Variants in PPARGC1A observed in about 807,000 individuals in gnomAD.
PPARGC1A encodes the protein peroxisome proliferator-activated receptor gamma coactivator 1-alpha.
In PPARGC1A, 25 loss-of-function variants were observed where a neutral mutation model predicts 88.7. That is an observed-to-expected ratio of 0.28 (90% CI 0.21 to 0.39). PPARGC1A has a LOEUF of 0.39. PPARGC1A is among the 10% of genes least tolerant of loss of function. PPARGC1A has a pLI of 1.00. For synonymous variants in PPARGC1A, 363 were observed against 355.6 expected, an observed-to-expected ratio of 1.02 and a Z score of -0.24; for missense variants, 880 against 968.7, an observed-to-expected ratio of 0.91 and a Z score of 1.22.
the PPARGC1A span, among the ~76,000 whole-genome samples, chr4:24,188,656 A>C: frequency 6.6e-6 from 1 of 152,132 alleles, no homozygotes; most frequent in African/African-American, 2.4e-5. Context: ...CAAGTGTTGG[A>C]GAGGATGTAG....
At chr4:24,436,808 C>T in the PPARGC1A span, among the ~76,000 whole-genome samples, 4 of 147,530 alleles carry the variant, frequency 2.7e-5, no homozygotes, top group Non-Finnish European at 6.0e-5. Flanking sequence ...CGGTTGGCCA[C>T]CCCAGAGCCC....
the PPARGC1A span, among the ~76,000 whole-genome samples, chr4:24,292,444 T>C: frequency 4.0e-5 from 6 of 151,336 alleles, no homozygotes; most frequent in South Asian, 8.3e-4. Flanking sequence ...ATCAGGAAGG[T>C]TTCCCTCATG....
At chr4:23,983,420 G>A in the PPARGC1A span, among the ~76,000 whole-genome samples, 569 of 152,116 alleles carry the variant, frequency 3.7e-3, 3 homozygotes, top group South Asian at 7.7e-3. Flanking sequence ...AACAGGTAAC[G>A]ACCACACAGG....
chr4:24,213,785 A>G, the PPARGC1A span, among the ~76,000 whole-genome samples: 2 of 152,234 alleles, frequency 1.3e-5, no homozygotes, highest in Non-Finnish European at 2.9e-5. Flanking sequence ...TCTGCCTCCA[A>G]ATATTCTTAA....
chr4:24,335,028 G>A, the PPARGC1A span, among the ~76,000 whole-genome samples: 6 of 152,288 alleles, frequency 3.9e-5, no homozygotes, highest in South Asian at 1.2e-3. Flanking sequence ...TTCCACTGGA[G>A]TATCATTAAG....
At chr4:24,450,961 C>T in the PPARGC1A span, among the ~76,000 whole-genome samples, 2 of 152,164 alleles carry the variant, frequency 1.3e-5, no homozygotes, top group Non-Finnish European at 2.9e-5. Context: ...AGAAAATTAT[C>T]ATTTCTTTTC....
At chr4:24,027,480 C>G in the PPARGC1A span, among the ~76,000 whole-genome samples, 2 of 151,996 alleles carry the variant, frequency 1.3e-5, no homozygotes, top group Non-Finnish European at 2.9e-5. Flanking sequence ...CAAGGCCCAA[C>G]GCATAGTAAA....
the PPARGC1A span, among the ~76,000 whole-genome samples, chr4:24,461,276 A>G: frequency 6.6e-6 from 1 of 152,236 alleles, no homozygotes; most frequent in Non-Finnish European, 1.5e-5. Flanking sequence ...CAAGTTTGAA[A>G]GCTTTCTTGC....
the PPARGC1A span, among the ~76,000 whole-genome samples, chr4:24,307,517 T>G: frequency 6.6e-6 from 1 of 152,194 alleles, no homozygotes; most frequent in Non-Finnish European, 1.5e-5. Flanking sequence ...GAGGCAACTC[T>G]ATTACCCTTC....
the PPARGC1A span, among the ~76,000 whole-genome samples, chr4:23,997,497 C>CT: frequency 0.11 from 10,872 of 96,884 alleles, 839 homozygotes; most frequent in Admixed American, 0.23. Flanking sequence ...CAAGAAAGCC[C>CT]TTTTTTTTTT....
chr4:24,166,575 G>C, the PPARGC1A span, among the ~76,000 whole-genome samples: 1 of 152,208 alleles, frequency 6.6e-6, no homozygotes, highest in African/African-American at 2.4e-5. Flanking sequence ...TGAAGCCAAT[G>C]CTCATTTACC....
chr4:23,905,945 G>A (rs979593057), upstream of PPARGC1A, among the ~76,000 whole-genome samples: 1 of 152,124 alleles, frequency 6.6e-6, no homozygotes, highest in African/African-American at 2.4e-5. Flanking sequence ...ACAGCTTCAT[G>A]TTCAGCAGGA....
chr4:23,888,158 A>C (rs2970873), intron 1 of PPARGC1A, among the ~76,000 whole-genome samples: 1 of 152,140 alleles, frequency 6.6e-6, no homozygotes, highest in African/African-American at 2.4e-5. Flanking sequence ...AGCCGCTGCC[A>C]TGTAGGCAAA....
chr4:24,338,129 G>A, the PPARGC1A span, among the ~76,000 whole-genome samples: 10 of 152,086 alleles, frequency 6.6e-5, no homozygotes, highest in African/African-American at 1.9e-4. Context: ...GATGATTCTC[G>A]GGGCCCTGCC....
chr4:24,205,488 A>G, the PPARGC1A span, among the ~76,000 whole-genome samples: 1 of 152,244 alleles, frequency 6.6e-6, no homozygotes, highest in Non-Finnish European at 1.5e-5. Context: ...GAGAGGCTTC[A>G]GGTATAAAGG....
At chr4:24,171,422 C>T in the PPARGC1A span, among the ~76,000 whole-genome samples, 2 of 152,088 alleles carry the variant, frequency 1.3e-5, no homozygotes, top group Admixed American at 6.6e-5. Context: ...AAAAGTGTCC[C>T]GTGCCCATCT....
At chr4:24,144,224 A>C in the PPARGC1A span, among the ~76,000 whole-genome samples, 1 of 152,254 alleles carries the variant, frequency 6.6e-6, no homozygotes, top group African/African-American at 2.4e-5. Context: ...TAGAATGGAC[A>C]GATGGTAACT....
At chr4:24,031,065 G>C in the PPARGC1A span, among the ~76,000 whole-genome samples, 1 of 152,110 alleles carries the variant, frequency 6.6e-6, no homozygotes, top group Non-Finnish European at 1.5e-5. Flanking sequence ...ACGAAAAAGG[G>C]ATGGGCACAG....
chr4:23,901,417 G>A (rs566971235), upstream of PPARGC1A, among the ~76,000 whole-genome samples: 5 of 144,434 alleles, frequency 3.5e-5, no homozygotes, highest in Non-Finnish European at 7.5e-5. Context: ...GGTGGCATGC[G>A]CCTATAGTCC....
Sources: gnomAD v4.1 joint callset for allele counts (sites outside exome capture counted in the v4.1 genomes callset) on GRCh38, gnomAD v4.1.1 for gene constraint, MANE v1.5 for transcripts, NCBI Gene and HGNC (gene_info 2026-07-23, HGNC 2026-07-21) for gene names.